ZDBF2: variants seen among roughly 807,000 people sequenced by gnomAD.
ZDBF2 encodes the protein zinc finger DBF-type containing 2, also known as DBF4-type zinc finger-containing protein 2.
Under a neutral mutation model 9.4 loss-of-function variants are expected in ZDBF2, and 6 were observed. The observed-to-expected ratio is 0.64, with a 90% CI of 0.35 to 1.27. The LOEUF is 1.27. ZDBF2 is among the 50% of genes most tolerant of loss of function. The pLI is 0.03. For synonymous variants in ZDBF2, 905 were observed against 946.3 expected, an observed-to-expected ratio of 0.96 and a Z score of 0.80; for missense variants, 2,697 against 2,766.8, an observed-to-expected ratio of 0.97 and a Z score of 0.57.
chr2:206,310,570 T>G lies in ZDBF2; in HGVS notation c.6042T>G (p.Ser2014=), dbSNP rs1225232329. Reference sequence around the variant, plus strand: ...AAGCCTTAGTCTGTGTTCTTTCTTCTTTAAATATTAAACTGAAAGAGGGTG... The same window carrying G: ...AAGCCTTAGTCTGTGTTCTTTCTTCGTTAAATATTAAACTGAAAGAGGGTG... The part of the protein sequence containing the change: ...QPKALVCVLS[S]LNIKLKEGEG... The change falls in exon 5 of 5, where the codon TCT becomes TCG. Residue 2014 remains serine (S), a synonymous_variant. Transcript: ENST00000374423. The G allele has an allele frequency of 1.2e-6, 2 of 1,612,914 alleles. No homozygotes were observed. Among genetic ancestry groups the G allele is most frequent in the African/African-American group, 2.7e-5 (2 of 75,038 alleles).
Position 206,308,928 on chromosome 2 carries a change from A to C in ZDBF2, c.4400A>C (p.Asp1467Ala), listed in dbSNP as rs1214925809. 2.5e-6 allele frequency: 4 copies of C among 1,613,088 alleles called. No individual in the cohort carries two copies. In the African/African-American group the frequency reaches 5.3e-5, roughly 22 times the overall value. ...TGTGTTCATCTTCAGTCAGAAGTTG[A>C]CCAACCTCAAGTGTCTTACAAAGAG... ...HSCVHLQSEV[D>A]QPQVSYKEAD... is the part of the protein sequence containing the mutation. Residue 1467 changes from aspartate (D) to alanine (A), a missense_variant, in exon 5 of 5, where the codon GAC (aspartate) becomes GCC (alanine). Around this residue, in one of 3 missense-constraint regions of ZDBF2, gnomAD observed 1,783 missense variants for 1,776.5 expected, o/e 1.00. Coordinates refer to ENST00000374423, the MANE Select transcript of ZDBF2 (RefSeq NM_020923.3).
At position 206,305,552 on chromosome 2, in the gene ZDBF2, G is replaced by C. The variant is rs1692738241; in HGVS notation, c.1024G>C (p.Glu342Gln). Residue 342 changes from glutamate to glutamine, a missense_variant, in exon 5 of 5, where the codon GAA (glutamate) becomes CAA (glutamine). Physicochemically the swap from Glu to Gln is conservative, Grantham distance 29 (BLOSUM62 2). Transcript: ENST00000374423. ...EFFSNMDCTQ[E>Q]EKHLVFNKTA... is the part of the protein sequence containing the mutation. Reference sequence around the variant, plus strand: ...CTTTTCTAACATGGATTGTACCCAAGAAGAAAAGCATTTGGTTTTTAACAA... The same window carrying C: ...CTTTTCTAACATGGATTGTACCCAACAAGAAAAGCATTTGGTTTTTAACAA... 1 of 1,613,588 alleles carries C rather than the reference G, an allele frequency of 6.2e-7. No individual in the cohort carries two copies.
chr2:206,281,738 T>A, intron 2 of ZDBF2, 63 bp from the exon 3 acceptor site: 1 of 960,800 alleles, frequency 1.0e-6, no homozygotes, highest in Non-Finnish European at 1.6e-6. Context: ...CTAATTATCA[T>A]AGCCATTTTC....
Position 206,306,553 on chromosome 2 carries a change from A to G in ZDBF2, c.2025A>G (p.Gln675=), listed in dbSNP as rs1692811155. 2 of 1,613,710 alleles carry G rather than the reference A, an allele frequency of 1.2e-6. No individual in the cohort carries two copies. Among genetic ancestry groups the G allele is most frequent in the East Asian group, 2.2e-5 (1 of 44,872 alleles). Residue 675 remains glutamine (Q), a synonymous_variant, in exon 5 of 5, where the codon CAA becomes CAG. Coordinates refer to ENST00000374423, the MANE Select transcript of ZDBF2 (RefSeq NM_020923.3). ...AAATGGGTTTTCAGGCTGATGCTCA[A>G]TTAGCTGACCAGTCTCAAGTAGCCG... ...GPEMGFQADA[Q]LADQSQVAEI... is the part of the protein sequence containing the mutation.
chr2:206,302,411 G>C (rs1692553577), intron 4 of ZDBF2, among the ~76,000 whole-genome samples: 1 of 152,092 alleles, frequency 6.6e-6, no homozygotes, highest in Non-Finnish European at 1.5e-5. Context: ...TGATTTAATT[G>C]TTAAGCATAT....
intron 3 of ZDBF2, among the ~76,000 whole-genome samples, chr2:206,291,667 A>T (rs1244782552): frequency 6.6e-6 from 1 of 152,252 alleles, no homozygotes; most frequent in Non-Finnish European, 1.5e-5. Flanking sequence ...TATAGCAGTT[A>T]GATTGATTGG....
Position 206,311,488 on chromosome 2 carries a change from T to A in ZDBF2, c.6960T>A (p.Ser2320=). 6.2e-7 allele frequency: 1 copy of A among 1,608,488 alleles called. No homozygotes were observed. The highest frequency in any genetic ancestry group is 8.5e-7 in the Non-Finnish European group (1 of 1,178,410). Residue 2320 remains serine, a synonymous_variant, in exon 5 of 5, where the codon TCT becomes TCA. Coordinates refer to ENST00000374423, the MANE Select transcript of ZDBF2 (RefSeq NM_020923.3). ...ESYHGRQKGP[S]TPVRAYDLRS... is the part of the protein sequence containing the mutation. ...ACCATGGCCGACAGAAAGGTCCTTC[T>A]ACACCTGTGAGAGCATATGATCTGA...
chr2:206,285,908 C>T (rs1449041007), intron 3 of ZDBF2, among the ~76,000 whole-genome samples: 1 of 152,298 alleles, frequency 6.6e-6, no homozygotes, highest in South Asian at 2.1e-4. Context: ...AGAAGCTGTT[C>T]TTTCCCCCAA....
intron 1 of ZDBF2, among the ~76,000 whole-genome samples, chr2:206,276,078 C>A (rs1386886239): frequency 1.3e-5 from 2 of 151,434 alleles, no homozygotes; most frequent in Non-Finnish European, 2.9e-5. Flanking sequence ...TCAGCCGGTT[C>A]GTGAATGGTG....
chr2:206,282,011 T>C (rs1201644781), intron 3 of ZDBF2, 102 bp downstream of exon 3: 3 of 1,086,360 alleles, frequency 2.8e-6, no homozygotes, highest in African/African-American at 3.2e-5. Flanking sequence ...ACAGATCATA[T>C]TGGGAATCTA....
At chr2:206,303,882 C>T (rs979074842) in intron 4 of ZDBF2, among the ~76,000 whole-genome samples, 2 of 151,990 alleles carry the variant, frequency 1.3e-5, no homozygotes, top group Non-Finnish European at 1.5e-5. Flanking sequence ...TATATAGAGC[C>T]GCTTTATTAT....
chr2:206,295,503 A>G (rs1421634301), intron 3 of ZDBF2, among the ~76,000 whole-genome samples: 1 of 151,658 alleles, frequency 6.6e-6, no homozygotes, highest in African/African-American at 2.4e-5. Flanking sequence ...AGCTAGGACT[A>G]CAGGCGCGCA....
chr2:206,279,912 C>G (rs1057269962), intron 2 of ZDBF2, among the ~76,000 whole-genome samples: 3 of 152,190 alleles, frequency 2.0e-5, no homozygotes, highest in Admixed American at 1.3e-4. Context: ...TCAAACGATT[C>G]TATTGCCTCA....
In ZDBF2 at chr2:206,308,256, T is replaced by C. The variant is rs1322928818; in HGVS notation, c.3728T>C (p.Ile1243Thr). ...AGAAATGAAGCTAAGGGTTTTGAAA[T>C]TATGTATGATTCTGATGTTCTTCAG... ...DRRNEAKGFE[I>T]MYDSDVLQPV... The change falls in exon 5 of 5, where the codon ATT becomes ACT. Residue 1243 changes from isoleucine to threonine, a missense_variant. Coordinates refer to ENST00000374423, the MANE Select transcript of ZDBF2 (RefSeq NM_020923.3). The C allele has an allele frequency of 6.2e-7, 1 of 1,613,850 alleles. No individual in the cohort carries two copies. Among genetic ancestry groups the C allele is most frequent in the Non-Finnish European group, 8.5e-7 (1 of 1,179,834 alleles).
At chr2:206,295,746 T>G (rs952070301) in intron 3 of ZDBF2, among the ~76,000 whole-genome samples, 3 of 152,062 alleles carry the variant, frequency 2.0e-5, no homozygotes, top group African/African-American at 4.8e-5. Flanking sequence ...CAGTGAAAAG[T>G]CAATGAAGAT....
Position 206,306,932 on chromosome 2 carries a change from A to T in ZDBF2, c.2404A>T (p.Ile802Phe). The change falls in exon 5 of 5, where the codon ATT (isoleucine) becomes TTT (phenylalanine). Residue 802 changes from isoleucine to phenylalanine, a missense_variant. By Grantham distance (21) the Ile-to-Phe change is conservative. Transcript: ENST00000374423. ...TTCTGATATTCCTCTTTATTCAGTA[A>T]TTGACCAACCTGAAGTAGCTGTTTA... ...FDSDIPLYSV[I>F]DQPEVAVYEE... 1.2e-6 allele frequency: 2 copies of T among 1,613,730 alleles called. No individual in the cohort carries two copies. Among genetic ancestry groups the T allele is most frequent in the Non-Finnish European group, 1.7e-6 (2 of 1,179,776 alleles).
Position 206,305,961 on chromosome 2 carries a change from G to A in ZDBF2, c.1433G>A (p.Arg478Lys), listed in dbSNP as rs774520631. Residue 478 changes from arginine (R) to lysine (K), a missense_variant, in exon 5 of 5, where the codon AGG becomes AAG. By Grantham distance (26) the Arg-to-Lys change is conservative (BLOSUM62 2). This residue lies in a region of ZDBF2 where 910 missense variants were observed against 973.6 expected (regional missense o/e 0.93). Coordinates refer to ENST00000374423, the MANE Select transcript of ZDBF2 (RefSeq NM_020923.3). ...IVKEISLQNA[R>K]HISLVDQSYE... The stretch of plus-strand genomic sequence containing the variant: ...AAAGAAATAAGTCTTCAGAATGCAA[G>A]GCATATTAGCCTGGTTGACCAAAGC... The A allele has an allele frequency of 1.9e-6, 3 of 1,613,380 alleles. No individual in the cohort carries two copies. In the Admixed American group the frequency reaches 5.0e-5, roughly 27 times the overall value.
At chr2:206,295,774 A>C (rs965899631) in intron 3 of ZDBF2, among the ~76,000 whole-genome samples, 1 of 152,180 alleles carries the variant, frequency 6.6e-6, no homozygotes, top group Non-Finnish European at 1.5e-5. Context: ...TAAATGGAAT[A>C]GCACTGTGTT....
intron 2 of ZDBF2, among the ~76,000 whole-genome samples, chr2:206,279,971 G>C (rs995551743): frequency 6.6e-6 from 1 of 152,078 alleles, no homozygotes; most frequent in African/African-American, 2.4e-5. Context: ...CACCCAGCTA[G>C]TTTTTGTATT....
Sources: gnomAD v4.1 joint callset for allele counts (sites outside exome capture counted in the v4.1 genomes callset) on GRCh38, gnomAD v4.1.1 for gene constraint, gnomAD v4.1.1 regional missense constraint, MANE v1.5 for transcripts, NCBI Gene and HGNC (gene_info 2026-07-23, HGNC 2026-07-21) for gene names.